The following TRPC5 variants were observed in gnomAD, a reference collection of about 807,000 sequenced individuals.
The protein encoded by TRPC5 is short transient receptor potential channel 5.
In TRPC5, 9 loss-of-function variants were observed where a neutral mutation model predicts 56.5. The observed-to-expected ratio is 0.16, with a 90% CI of 0.10 to 0.28. The LOEUF (loss-of-function observed/expected upper bound fraction) is 0.28, where lower values mean the gene tolerates loss of function less well. Among genes scored for constraint, TRPC5 ranks in the 10% least tolerant of loss-of-function variants. TRPC5 has a pLI of 1.00. For missense variants in TRPC5, 469 were observed against 748.9 expected (o/e 0.63, Z 4.36); for synonymous variants, 282 against 278.5 (o/e 1.01, Z -0.13).
intron 1 of TRPC5, among the ~76,000 whole-genome samples, chrX:111,975,088 G>C (rs142534867): frequency 9.9e-5 from 11 of 111,124 alleles, no homozygotes; most frequent in African/African-American, 3.6e-4. Flanking sequence ...TCATGTAAGA[G>C]TGACCTTGAT....
At chrX:111,883,598 A>G (rs191735484) in intron 3 of TRPC5, among the ~76,000 whole-genome samples, 8 of 112,001 alleles carry the variant, frequency 7.1e-5, no homozygotes, top group South Asian at 3.7e-4. Flanking sequence ...GCCTGTCCGA[A>G]TTTTGATAAA....
chrX:111,808,309 A>C (rs1603037885), intron 7 of TRPC5, among the ~76,000 whole-genome samples: 1 of 110,166 alleles, frequency 9.1e-6, no homozygotes. Flanking sequence ...CTGGTGCTCT[A>C]TTTTACTGGG....
At chrX:111,820,277 AG>A (rs1333792018) in intron 7 of TRPC5, among the ~76,000 whole-genome samples, 1 of 111,587 alleles carries the variant, frequency 9.0e-6, no homozygotes. Context: ...ATATTTTACC[AG>A]GCACCAGAGG....
intron 3 of TRPC5, among the ~76,000 whole-genome samples, chrX:111,867,742 G>A (rs1159682964): frequency 1.8e-5 from 2 of 111,717 alleles, no homozygotes; most frequent in Non-Finnish European, 3.8e-5. Flanking sequence ...AATGTTTAAC[G>A]CCTAGTGGGC....
At chrX:111,785,865 A>C (rs779070822) in intron 7 of TRPC5, among the ~76,000 whole-genome samples, 1 of 111,721 alleles carries the variant, frequency 9.0e-6, no homozygotes, top group Non-Finnish European at 1.9e-5. Context: ...AGGTTAGAGA[A>C]AAAAGAGTAA....
chrX:111,925,729 T>A (rs1228718905), intron 2 of TRPC5, among the ~76,000 whole-genome samples: 2 of 111,883 alleles, frequency 1.8e-5, no homozygotes, highest in Non-Finnish European at 3.8e-5. Flanking sequence ...ACAATTTCCT[T>A]CCAGGTAATT....
At chrX:112,023,652 T>C (rs1929344217) in intron 1 of TRPC5, among the ~76,000 whole-genome samples, 1 of 111,802 alleles carries the variant, frequency 8.9e-6, no homozygotes, top group Non-Finnish European at 1.9e-5. Flanking sequence ...TATTGATTAC[T>C]TGTCAGGCTC....
chrX:112,078,865 CCAT>C (rs1368038809), intron 1 of TRPC5, among the ~76,000 whole-genome samples: 5 of 111,605 alleles, frequency 4.5e-5, no homozygotes, highest in Non-Finnish European at 9.4e-5. Flanking sequence ...TTTGAGGGGC[CCAT>C]CAACAGAAGA....
intron 1 of TRPC5, among the ~76,000 whole-genome samples, chrX:112,075,481 G>A (rs1930814765): frequency 8.9e-6 from 1 of 112,134 alleles, no homozygotes; most frequent in Admixed American, 9.5e-5. Flanking sequence ...GACAAGATAT[G>A]GCCAACCTGT....
intron 2 of TRPC5, among the ~76,000 whole-genome samples, chrX:111,938,668 G>A (rs1418934905): frequency 9.0e-6 from 1 of 111,255 alleles, no homozygotes; most frequent in Non-Finnish European, 1.9e-5. Flanking sequence ...TGCATGTATT[G>A]AACCAGCCTT....
chrX:112,048,656 C>T (rs953826122), intron 1 of TRPC5, among the ~76,000 whole-genome samples: 2 of 111,008 alleles, frequency 1.8e-5, no homozygotes, highest in Non-Finnish European at 3.8e-5. Flanking sequence ...TGAAAGAAAA[C>T]GTATCATAGA....
At chrX:111,978,607 C>T (rs1368316943) in intron 1 of TRPC5, among the ~76,000 whole-genome samples, 1 of 111,206 alleles carries the variant, frequency 9.0e-6, no homozygotes, top group African/African-American at 3.3e-5. Context: ...TTCATAGTGG[C>T]TTTATTTTTA....
intron 7 of TRPC5, among the ~76,000 whole-genome samples, chrX:111,827,393 A>G (rs182850287): frequency 8.2e-4 from 91 of 110,901 alleles, no homozygotes; most frequent in African/African-American, 2.6e-3. Flanking sequence ...AGACCACCCA[A>G]TGCCTCTACC....
intron 1 of TRPC5, among the ~76,000 whole-genome samples, chrX:112,036,801 C>T (rs915044112): frequency 1.8e-5 from 2 of 111,453 alleles, no homozygotes; most frequent in Non-Finnish European, 3.8e-5. Context: ...TTTTGTAAGG[C>T]TTGGCTTGAG....
intron 3 of TRPC5, among the ~76,000 whole-genome samples, chrX:111,861,606 AT>A (rs913238755): frequency 3.6e-3 from 393 of 110,664 alleles, no homozygotes; most frequent in African/African-American, 0.012. Flanking sequence ...AAACCTGTTA[AT>A]TTTTTTTTGT....
At chrX:111,891,846 C>T (rs377234079) in intron 3 of TRPC5, among the ~76,000 whole-genome samples, 20 of 111,525 alleles carry the variant, frequency 1.8e-4, no homozygotes, top group East Asian at 1.4e-3. Context: ...CGCGCTTGGC[C>T]GCTACACAGG....
At chrX:111,785,337 A>G (rs1371791855) in intron 7 of TRPC5, among the ~76,000 whole-genome samples, 1 of 112,225 alleles carries the variant, frequency 8.9e-6, no homozygotes, top group East Asian at 2.8e-4. Flanking sequence ...GTTAGAAGGA[A>G]AACTAACAAA....
chrX:111,979,118 C>A (rs1037765554), intron 1 of TRPC5, among the ~76,000 whole-genome samples: 1 of 110,985 alleles, frequency 9.0e-6, no homozygotes, highest in African/African-American at 3.3e-5. Context: ...GTGGTAGTAG[C>A]ATCAAGAGAG....
At chrX:111,905,914 C>CAAAAAAAAAAAAAAAAAAA (rs1202912083) in intron 3 of TRPC5, among the ~76,000 whole-genome samples, 3 of 37,017 alleles carry the variant, frequency 8.1e-5, no homozygotes, top group African/African-American at 3.5e-4. Context: ...GTCTCTGTCT[C>CAAAAAAAAAAAAAAAAAAA]AAAAAAAAAA....
Sources: gnomAD v4.1 joint callset for allele counts (sites outside exome capture counted in the v4.1 genomes callset) on GRCh38, gnomAD v4.1.1 for gene constraint, MANE v1.5 for transcripts, NCBI Gene and HGNC (gene_info 2026-07-23, HGNC 2026-07-21) for gene names.